The following SEMA5A variants were observed in gnomAD, a reference collection of about 807,000 sequenced individuals.
The protein encoded by SEMA5A is semaphorin 5A, also known as semaphorin-5A.
A neutral mutation model predicts 135.5 loss-of-function variants in SEMA5A; 55 were observed. The ratio of observed to expected loss-of-function variants is 0.41; its 90% CI spans 0.33 to 0.51. The LOEUF is 0.51. Ranked by LOEUF, SEMA5A falls within the 20% of genes least tolerant of loss-of-function variation. The pLI is 0.37. For missense variants in SEMA5A, 1,290 were observed against 1,419.9 expected (o/e 0.91, Z 1.47); for synonymous variants, 580 against 546.5 (o/e 1.06, Z -0.85).
chr5:9,469,189 A>G (rs1355148245), intron 1 of SEMA5A, among the ~76,000 whole-genome samples: 1 of 152,066 alleles, frequency 6.6e-6, no homozygotes, highest in African/African-American at 2.4e-5. Context: ...TTGTATTTTT[A>G]GTAGAGATGG....
At chr5:9,425,087 C>T (rs992159040) in intron 2 of SEMA5A, among the ~76,000 whole-genome samples, 3 of 152,190 alleles carry the variant, frequency 2.0e-5, no homozygotes, top group Non-Finnish European at 4.4e-5. Flanking sequence ...CATATGCTAA[C>T]CCTTACCCAC....
intron 4 of SEMA5A, 138 bp from the exon 5 acceptor site, chr5:9,318,555 C>T: frequency 3.0e-6 from 2 of 671,440 alleles, no homozygotes; most frequent in Non-Finnish European, 5.0e-6. Context: ...TTCAGCACTA[C>T]TTTCCTTGGA....
intron 1 of SEMA5A, among the ~76,000 whole-genome samples, chr5:9,516,065 C>A (rs957039810): frequency 6.6e-6 from 1 of 152,182 alleles, no homozygotes; most frequent in African/African-American, 2.4e-5. Flanking sequence ...GTGCTTAATT[C>A]AATTTAACTG....
intron 11 of SEMA5A, among the ~76,000 whole-genome samples, chr5:9,186,297 C>T (rs147531303): frequency 3.3e-5 from 5 of 152,228 alleles, no homozygotes; most frequent in African/African-American, 1.2e-4. Context: ...TGGGAAATGC[C>T]ACCAAAGAGG....
At chr5:9,323,821 C>T (rs993048457) in intron 4 of SEMA5A, among the ~76,000 whole-genome samples, 18 of 151,788 alleles carry the variant, frequency 1.2e-4, no homozygotes, top group African/African-American at 4.4e-4. Context: ...GCCACCACGC[C>T]TGACTAATTT....
intron 2 of SEMA5A, among the ~76,000 whole-genome samples, chr5:9,409,314 G>A (rs1466739206): frequency 6.6e-6 from 1 of 152,218 alleles, no homozygotes; most frequent in African/African-American, 2.4e-5. Context: ...ATATCGCACA[G>A]TGCAATTTGG....
intron 5 of SEMA5A, among the ~76,000 whole-genome samples, chr5:9,256,656 T>C (rs757765299): frequency 1.3e-5 from 2 of 152,206 alleles, no homozygotes; most frequent in Non-Finnish European, 2.9e-5. Flanking sequence ...ATAATAACAC[T>C]GTAAGAGAAG....
chr5:9,464,377 T>C (rs1759175776), intron 1 of SEMA5A, among the ~76,000 whole-genome samples: 1 of 152,232 alleles, frequency 6.6e-6, no homozygotes, highest in Non-Finnish European at 1.5e-5. Flanking sequence ...TACACACGTT[T>C]CCATCGGCTT....
intron 1 of SEMA5A, among the ~76,000 whole-genome samples, chr5:9,458,179 T>A (rs996005997): frequency 1.3e-5 from 2 of 151,710 alleles, no homozygotes; most frequent in African/African-American, 4.8e-5. Context: ...AGTGCTGGGA[T>A]TACAGGCGTG....
At chr5:9,505,234 C>T (rs1196562533) in intron 1 of SEMA5A, among the ~76,000 whole-genome samples, 1 of 152,152 alleles carries the variant, frequency 6.6e-6, no homozygotes, top group Non-Finnish European at 1.5e-5. Flanking sequence ...GTTCCCTTTC[C>T]CTGCCCTGAA....
intron 5 of SEMA5A, among the ~76,000 whole-genome samples, chr5:9,270,168 C>G (rs116128279): frequency 6.6e-6 from 1 of 152,102 alleles, no homozygotes; most frequent in African/African-American, 2.4e-5. Flanking sequence ...CATTGAGCCT[C>G]TCTGGTAGAC....
At chr5:9,118,933 C>A in intron 15 of SEMA5A, 65 bp downstream of exon 15, 2 of 1,573,648 alleles carry the variant, frequency 1.3e-6, no homozygotes, top group Non-Finnish European at 1.7e-6. Context: ...CCGCGGGGAA[C>A]TCGACCTGGC....
chr5:9,291,208 G>A (rs1303477256), intron 5 of SEMA5A, among the ~76,000 whole-genome samples: 1 of 152,132 alleles, frequency 6.6e-6, no homozygotes, highest in African/African-American at 2.4e-5. Context: ...AATGAGAAGT[G>A]GAGTCACAAA....
chr5:9,103,133 A>G (rs1358472821), intron 16 of SEMA5A, among the ~76,000 whole-genome samples: 1 of 152,152 alleles, frequency 6.6e-6, no homozygotes, highest in African/African-American at 2.4e-5. Context: ...CTCTGAGTGG[A>G]AAGACCTGGA....
At chr5:9,166,903 C>G (rs1050002791) in intron 11 of SEMA5A, among the ~76,000 whole-genome samples, 1 of 152,126 alleles carries the variant, frequency 6.6e-6, no homozygotes, top group Non-Finnish European at 1.5e-5. Context: ...ATCTAAATTA[C>G]AAAACAACCA....
At chr5:9,151,432 G>A (rs976997060) in intron 12 of SEMA5A, among the ~76,000 whole-genome samples, 23 of 152,206 alleles carry the variant, frequency 1.5e-4, no homozygotes, top group African/African-American at 4.6e-4. Flanking sequence ...GTATCCAATC[G>A]TTACCCAATT....
chr5:9,445,436 G>A (rs964034736), intron 1 of SEMA5A, among the ~76,000 whole-genome samples: 7 of 151,772 alleles, frequency 4.6e-5, no homozygotes, highest in African/African-American at 9.7e-5. Context: ...TTGGGAGGCC[G>A]AGGTGGGCGG....
intron 18 of SEMA5A, among the ~76,000 whole-genome samples, chr5:9,059,950 G>A (rs1041714266): frequency 1.3e-5 from 2 of 152,208 alleles, no homozygotes; most frequent in African/African-American, 4.8e-5. Flanking sequence ...GGTTAAAGAA[G>A]AGTAAATTCA....
intron 5 of SEMA5A, among the ~76,000 whole-genome samples, chr5:9,291,130 T>C (rs546301313): frequency 6.6e-6 from 1 of 152,360 alleles, no homozygotes; most frequent in South Asian, 2.1e-4. Context: ...GACTCTAGAC[T>C]ACCTGCTTCA....
Sources: gnomAD v4.1 joint callset for allele counts (sites outside exome capture counted in the v4.1 genomes callset) on GRCh38, gnomAD v4.1.1 for gene constraint, MANE v1.5 for transcripts, NCBI Gene and HGNC (gene_info 2026-07-23, HGNC 2026-07-21) for gene names.